The following PIK3R3 variants were observed in gnomAD, a reference collection of about 807,000 sequenced individuals.
The protein encoded by PIK3R3 is phosphatidylinositol 3-kinase regulatory subunit gamma.
In PIK3R3, 64 loss-of-function variants were observed where a neutral mutation model predicts 62.9. The observed-to-expected ratio is 1.02, with a 90% confidence interval of 0.83 to 1.25. The LOEUF (loss-of-function observed/expected upper bound fraction) is 1.25. PIK3R3 is among the 50% of genes most tolerant of loss of function. PIK3R3 has a pLI of 0.00. For missense variants in PIK3R3, 614 were observed against 561.6 expected, an observed-to-expected ratio of 1.09 and a Z score of -0.94; for synonymous variants, 165 against 189.0, an observed-to-expected ratio of 0.87 and a Z score of 1.04.
intron 1 of PIK3R3, among the ~76,000 whole-genome samples, chr1:46,125,086 C>T (rs375553105): frequency 9.9e-5 from 15 of 151,450 alleles, no homozygotes; most frequent in African/African-American, 2.9e-4. Context: ...GGGACAAGAG[C>T]GAGACTTTGT....
At chr1:46,128,887 C>T (rs111591983) in intron 1 of PIK3R3, among the ~76,000 whole-genome samples, 1 of 152,126 alleles carries the variant, frequency 6.6e-6, no homozygotes, top group Non-Finnish European at 1.5e-5. Flanking sequence ...TCGATATCAG[C>T]CTGGTGAAAC....
At chr1:46,053,581 G>T (rs1239497593) in intron 7 of PIK3R3, among the ~76,000 whole-genome samples, 3 of 152,058 alleles carry the variant, frequency 2.0e-5, no homozygotes, top group Non-Finnish European at 4.4e-5. Flanking sequence ...CTTCTACCAG[G>T]ACATAGGTAG....
At chr1:46,114,771 ATTTTTT>A (rs60059325) in intron 1 of PIK3R3, among the ~76,000 whole-genome samples, 3 of 99,302 alleles carry the variant, frequency 3.0e-5, no homozygotes, top group Admixed American at 1.2e-4. Context: ...AGCCTCACTA[ATTTTTT>A]TTTTTTTTTT....
intron 7 of PIK3R3, among the ~76,000 whole-genome samples, chr1:46,053,796 C>G (rs1647603125): frequency 6.6e-6 from 1 of 152,088 alleles, no homozygotes; most frequent in Non-Finnish European, 1.5e-5. Context: ...TGGTATATTC[C>G]TTGTATTTCT....
intron 7 of PIK3R3, among the ~76,000 whole-genome samples, chr1:46,054,891 A>C (rs887908009): frequency 1.3e-5 from 2 of 152,086 alleles, no homozygotes; most frequent in Non-Finnish European, 2.9e-5. Flanking sequence ...CTGTTATTTA[A>C]ATAAAGAATG....
At chr1:46,152,964 G>A in the PIK3R3 span, among the ~76,000 whole-genome samples, 4 of 152,176 alleles carry the variant, frequency 2.6e-5, no homozygotes, top group South Asian at 6.2e-4. Flanking sequence ...GAATTTGCAC[G>A]GTCTTTTCAA....
chr1:46,057,227 T>G, intron 6 of PIK3R3: 1 of 152,744 alleles, frequency 6.5e-6, no homozygotes, highest in Admixed American at 6.5e-5. Flanking sequence ...AAGACGGGAC[T>G]TGCTCCTCTC....
intron 1 of PIK3R3, among the ~76,000 whole-genome samples, chr1:46,113,806 G>T (rs909030331): frequency 6.6e-6 from 1 of 152,120 alleles, no homozygotes; most frequent in Admixed American, 6.5e-5. Context: ...TGAAGATCCA[G>T]CAACTAATTA....
intron 1 of PIK3R3, among the ~76,000 whole-genome samples, chr1:46,113,879 A>G (rs978410647): frequency 6.6e-6 from 1 of 152,198 alleles, no homozygotes; most frequent in African/African-American, 2.4e-5. Flanking sequence ...ACTAAACGAT[A>G]ATAAGTATGG....
In PIK3R3 at chr1:46,102,431, A is replaced by G. The variant is rs377376557; in HGVS notation, c.107-21681T>C. Among the ~76,000 whole-genome samples the G allele has an allele frequency of 4.6e-5, 7 of 152,310 alleles. No homozygotes were observed. The East Asian group carries it at 1.2e-3, about 25-fold the overall frequency. On this transcript the variant is annotated intron_variant, in intron 1 of 9. Coordinates refer to ENST00000262741, the MANE Select transcript of PIK3R3 (RefSeq NM_003629.4). ...TGGATCCAACAACCTTATTTCATAT[A>G]TATCAGCAAATTATCTTTAGCTTTT...
intron 1 of PIK3R3, among the ~76,000 whole-genome samples, chr1:46,111,023 CAAGT>C (rs1653698065): frequency 6.6e-6 from 1 of 152,052 alleles, no homozygotes; most frequent in Non-Finnish European, 1.5e-5. Context: ...TAGCCTCTAG[CAAGT>C]AAGATACGTA....
At chr1:46,048,600 T>C (rs144742313) in intron 7 of PIK3R3, among the ~76,000 whole-genome samples, 3 of 152,290 alleles carry the variant, frequency 2.0e-5, no homozygotes, top group African/African-American at 4.8e-5. Context: ...AAAGTGTGAG[T>C]TGAATGAATG....
At chr1:46,063,478 C>T (rs1472267170) in intron 5 of PIK3R3, among the ~76,000 whole-genome samples, 2 of 152,200 alleles carry the variant, frequency 1.3e-5, no homozygotes, top group African/African-American at 4.8e-5. Flanking sequence ...CTTTAGCTCC[C>T]TTGCCAAGTT....
intron 1 of PIK3R3, among the ~76,000 whole-genome samples, chr1:46,117,337 GCAGGAGGATCACTTGAGCC>G (rs1654276071): frequency 6.6e-6 from 1 of 152,136 alleles, no homozygotes; most frequent in African/African-American, 2.4e-5. Flanking sequence ...GGAGGCTGGG[GCAGGAGGATCACTTGAGCC>G]CAGGAGGTCA....
Position 46,046,628 on chromosome 1 carries a change from G to A in PIK3R3, c.942-3C>T. The A allele has an allele frequency of 6.2e-7, 1 of 1,609,000 alleles. No individual in the cohort carries two copies. The highest frequency in any genetic ancestry group is 8.5e-7 in the Non-Finnish European group (1 of 1,175,380). On this transcript the variant is annotated splice_polypyrimidine_tract_variant and splice_region_variant and intron_variant, in intron 7 of 9. Transcript: ENST00000262741. The stretch of plus-strand genomic sequence containing the variant: ...TCACTCCTTTGTGATTGAGCCATCT[G>A]CCAGAGGAAAGACACCAGTGTCAGT...
rs181855569 is a variant in PIK3R3 at position 46,060,076 on chromosome 1, G to A, written c.764+1853C>T. Among the ~76,000 whole-genome samples, 149 of 152,266 alleles carry A rather than the reference G, an allele frequency of 9.8e-4. 1 individual carries two copies. The highest frequency in any genetic ancestry group is 3.5e-3 in the African/African-American group (146 of 41,556). On this transcript the variant is annotated intron_variant, in intron 6 of 9. Coordinates refer to ENST00000262741, the MANE Select transcript of PIK3R3 (RefSeq NM_003629.4). ...AATCGCACCACTGCACTCCAGCGTG[G>A]GCGACAGAGCGAGACTCCGTCTCAA... is the stretch of plus-strand genomic sequence containing the variant.
intron 1 of PIK3R3, chr1:46,104,865 T>C (rs1571508480): frequency 2.3e-6 from 1 of 444,108 alleles, no homozygotes; most frequent in South Asian, 2.8e-5. Context: ...GATGTGGAGG[T>C]TGCAGTGAGC....
chr1:46,069,014 A>T (rs1649258007), intron 3 of PIK3R3, among the ~76,000 whole-genome samples: 1 of 152,204 alleles, frequency 6.6e-6, no homozygotes, highest in South Asian at 2.1e-4. Context: ...TAGGCAAGGC[A>T]TGATGGTGTC....
intron 7 of PIK3R3, among the ~76,000 whole-genome samples, chr1:46,054,870 T>A (rs1034488014): frequency 6.6e-6 from 1 of 152,192 alleles, no homozygotes; most frequent in Non-Finnish European, 1.5e-5. Context: ...GTGCCTTCTA[T>A]AGATACATTT....
Sources: gnomAD v4.1 joint callset for allele counts (sites outside exome capture counted in the v4.1 genomes callset) on GRCh38, gnomAD v4.1.1 for gene constraint, MANE v1.5 for transcripts, NCBI Gene and HGNC (gene_info 2026-07-23, HGNC 2026-07-21) for gene names.